The following ZNF107 variants were observed in gnomAD, a reference collection of about 807,000 sequenced individuals.
The protein encoded by ZNF107 is C2H2 type zinc-finger protein.
A neutral mutation model predicts 12.3 loss-of-function variants in ZNF107; 19 were observed. That is an observed-to-expected ratio of 1.55 (90% CI 1.08 to 2.27). The LOEUF (loss-of-function observed/expected upper bound fraction) is 2.27. Among genes scored for constraint, ZNF107 ranks in the 30% most tolerant of loss-of-function variants. The pLI, the probability that ZNF107 is intolerant of heterozygous loss-of-function variation, is 0.00. For synonymous variants in ZNF107, 317 were observed against 330.5 expected (o/e 0.96, Z 0.44); for missense variants, 958 against 979.9 (o/e 0.98, Z 0.30).
In ZNF107 at chr7:64,707,480, T is replaced by G; in HGVS notation, c.1383T>G (p.Ala461=). Residue 461 remains alanine, a synonymous_variant, in exon 4 of 4, where the codon GCT becomes GCG. Transcript: ENST00000620827. ...ATAAATGTGAAGAATGTGGCAAAGC[T>G]TTTAACCAACACTCAAACCTAATTA... The part of the protein sequence containing the change: ...KSYKCEECGK[A]FNQHSNLINH... The G allele has an allele frequency of 6.2e-7, 1 of 1,613,296 alleles. No individual in the cohort carries two copies. The highest frequency in any genetic ancestry group is 8.5e-7 in the Non-Finnish European group (1 of 1,179,634).
intron 3 of ZNF107, among the ~76,000 whole-genome samples, chr7:64,693,264 C>T (rs1790180147): frequency 6.7e-6 from 1 of 148,318 alleles, no homozygotes; most frequent in African/African-American, 2.5e-5. Context: ...CTGCCCGTCT[C>T]GGCCTCCCAA....
At chr7:64,702,055 A>G (rs929393774) in intron 3 of ZNF107, among the ~76,000 whole-genome samples, 2 of 152,078 alleles carry the variant, frequency 1.3e-5, no homozygotes, top group African/African-American at 4.8e-5. Context: ...GTAGTGACAT[A>G]CTTTATTTTT....
chr7:64,702,276 A>C (rs963566467), intron 3 of ZNF107, among the ~76,000 whole-genome samples: 3 of 151,804 alleles, frequency 2.0e-5, no homozygotes, highest in African/African-American at 7.3e-5. Flanking sequence ...CAGCCTCCCA[A>C]GTAGCTGGGA....
rs1788991128 is a variant in ZNF107 at position 64,666,163 on chromosome 7, T to G, written c.-120T>G. 6 of 1,395,086 alleles carry G rather than the reference T, an allele frequency of 4.3e-6. No individual in the cohort carries two copies. In the South Asian group the frequency reaches 5.7e-5, roughly 13 times the overall value. 86.4% of individuals were successfully genotyped at this position (1,395,086 alleles called of 1,614,324 possible). A position where few individuals can be genotyped will look rare whatever the true frequency, so the allele number is the denominator to read the frequency against. On this transcript the variant is annotated 5_prime_UTR_variant, in exon 1 of 4. Coordinates refer to ENST00000620827, the MANE Select transcript of ZNF107 (RefSeq NM_001282359.2). ...TGTCTCTGGCTGCAGCCGGAGCTCCTGCTCTCCTCCTCACTGCTCAGTGTC... is the reference window on the plus strand; with the variant it reads ...TGTCTCTGGCTGCAGCCGGAGCTCCGGCTCTCCTCCTCACTGCTCAGTGTC...
rs769633194 is a variant in ZNF107, at chr7:64,707,236, G to C, written c.1139G>C (p.Arg380Pro). 6.2e-7 allele frequency: 1 copy of C among 1,611,458 alleles called. No individual in the cohort carries two copies. The highest frequency in any genetic ancestry group is 8.5e-7 in the Non-Finnish European group (1 of 1,179,260). Reference sequence around the variant, plus strand: ...GAAGAATGTGACAAAGCTTTTAACCGATCCTTAAAACTTACTGCACATAAG... The same window carrying C: ...GAAGAATGTGACAAAGCTTTTAACCCATCCTTAAAACTTACTGCACATAAG... ...KCEECDKAFN[R>P]SLKLTAHKKI... The change falls in exon 4 of 4, where the codon CGA (arginine) becomes CCA (proline). Residue 380 changes from arginine to proline, a missense_variant. By Grantham distance (103) the Arg-to-Pro change is moderately radical. Transcript: ENST00000620827.
In ZNF107 at chr7:64,707,776, C is replaced by T. The variant is rs200568158; in HGVS notation, c.1679C>T (p.Thr560Ile). ...STLTKHKRIH[T>I]GEKPYKCEEC... is the part of the protein sequence containing the mutation. The stretch of plus-strand genomic sequence containing the variant: ...CTTACTAAACATAAGAGAATTCATA[C>T]TGGAGAAAAACCCTATAAATGTGAA... The change falls in exon 4 of 4, where the codon ACT becomes ATT. Residue 560 changes from threonine (T) to isoleucine (I), a missense_variant. Transcript: ENST00000620827. The T allele has an allele frequency of 1.9e-5, 30 of 1,611,976 alleles. No individual in the cohort carries two copies. Among genetic ancestry groups the T allele is most frequent in the East Asian group, 4.5e-5 (2 of 44,816 alleles).
chr7:64,690,143 A>G lies in ZNF107; in HGVS notation c.4-1105A>G, dbSNP rs575684929. The G allele has an allele frequency of 9.7e-5, 16 of 164,976 alleles. 1 individual carries two copies. The South Asian group carries it at 2.8e-3, about 28-fold the overall frequency. The allele number at this position is 164,976 out of a possible 1,614,324, so 10.2% of individuals were successfully genotyped here. A position where few individuals can be genotyped will look rare whatever the true frequency, so the allele number is the denominator to read the frequency against. On this transcript the variant is annotated intron_variant, in intron 1 of 3. Coordinates refer to ENST00000620827, the MANE Select transcript of ZNF107 (RefSeq NM_001282359.2). ...GGGCTTTATTTGGGCCACTTTCTTT[A>G]TATCGTTGTGACTTCTGAGGTCATC...
Position 64,708,174 on chromosome 7 carries a change from A to G in ZNF107, c.2077A>G (p.Thr693Ala), listed in dbSNP as rs574386372. The G allele has an allele frequency of 6.2e-7, 1 of 1,611,668 alleles. No individual in the cohort carries two copies. The highest frequency in any genetic ancestry group is 1.7e-5 in the Admixed American group (1 of 59,464). ...AGCTTATAACCGATTCTCAAACCTA[A>G]CTATACATAAGAGAATTCATACGGG... ...GKAYNRFSNL[T>A]IHKRIHTGEK... is the part of the protein sequence containing the mutation. The change falls in exon 4 of 4, where the codon ACT (threonine) becomes GCT (alanine). Residue 693 changes from threonine to alanine, a missense_variant. Thr to Ala is a moderately conservative substitution (Grantham distance 58). Transcript: ENST00000620827.
rs929165322 is a variant in ZNF107, at chr7:64,710,019, T to C, written c.*1363T>C. Reference sequence around the variant, plus strand: ...GGCAGGCCCCTGTAATCCCAGCTAATTGGGAGGCTGAAGCAGGAGAATTGC... The same window carrying C: ...GGCAGGCCCCTGTAATCCCAGCTAACTGGGAGGCTGAAGCAGGAGAATTGC... On this transcript the variant is annotated 3_prime_UTR_variant, in exon 4 of 4. Transcript: ENST00000620827. The C allele has an allele frequency of 1.8e-5, 4 of 223,116 alleles. No individual in the cohort carries two copies. Among genetic ancestry groups the C allele is most frequent in the South Asian group, 1.1e-4 (2 of 18,558 alleles). 13.8% of individuals were successfully genotyped at this position (223,116 alleles called of 1,614,324 possible). A position where few individuals can be genotyped will look rare whatever the true frequency, so the allele number is the denominator to read the frequency against.
At position 64,691,363 on chromosome 7, in the gene ZNF107, T is replaced by C; in HGVS notation, c.119T>C (p.Leu40Pro). 6.7e-7 allele frequency: 1 copy of C among 1,488,386 alleles called. No individual in the cohort carries two copies. The highest frequency in any genetic ancestry group is 8.9e-7 in the Non-Finnish European group (1 of 1,120,180). 92.2% of individuals were successfully genotyped at this position (1,488,386 alleles called of 1,614,324 possible). ...GTGTTGTTAGAGAACTACAGAAACC[T>C]GGTCTTTTTGGGTGAGGATAACTTC... The part of the protein sequence containing the change: ...RNVLLENYRN[L>P]VFLGIAVSKP... Residue 40 changes from leucine to proline, a missense_variant, in exon 2 of 4, where the codon CTG becomes CCG. Transcript: ENST00000620827.
chr7:64,691,770 A>T, intron 2 of ZNF107, 95 bp from the exon 3 acceptor site: 1 of 536,138 alleles, frequency 1.9e-6, no homozygotes, highest in South Asian at 5.8e-5. Flanking sequence ...ATTAGTATTT[A>T]TTCTATTACA....
chr7:64,681,523 A>G (rs752403839), intron 1 of ZNF107, among the ~76,000 whole-genome samples: 5 of 151,710 alleles, frequency 3.3e-5, no homozygotes, highest in Non-Finnish European at 5.9e-5. Context: ...ACCCTTCACC[A>G]TCCCCACAAG....
chr7:64,681,004 G>A (rs978908228), intron 1 of ZNF107, among the ~76,000 whole-genome samples: 1 of 152,128 alleles, frequency 6.6e-6, no homozygotes, highest in Admixed American at 6.5e-5. Context: ...GCAGCCTGGG[G>A]TTCCTCCTAA....
rs779995993 is a variant in ZNF107, at chr7:64,706,610, A to C, written c.513A>C (p.Lys171Asn). The change falls in exon 4 of 4, where the codon AAA (lysine) becomes AAC (asparagine). Residue 171 changes from lysine (K) to asparagine (N), a missense_variant. Transcript: ENST00000620827. ...ATAAGAGAAGACATACAGGAAACAA[A>C]CACTTCAAATGTAAAGAATGTAGCA... ...NRYKRRHTGN[K>N]HFKCKECSKS... 23 of 1,613,418 alleles carry C rather than the reference A, an allele frequency of 1.4e-5. No individual in the cohort carries two copies. The highest frequency in any genetic ancestry group is 1.9e-5 in the Non-Finnish European group (23 of 1,179,662).
intron 3 of ZNF107, among the ~76,000 whole-genome samples, 193 bp from the exon 4 acceptor site, chr7:64,706,127 CATTT>C (rs1671440845): frequency 6.6e-6 from 1 of 152,084 alleles, no homozygotes; most frequent in Non-Finnish European, 1.5e-5. Context: ...ACACTGAACT[CATTT>C]ATAAATTTTC....
intron 1 of ZNF107, among the ~76,000 whole-genome samples, chr7:64,674,037 T>C (rs1032238015): frequency 6.6e-6 from 1 of 152,166 alleles, no homozygotes; most frequent in Non-Finnish European, 1.5e-5. Flanking sequence ...ATTCAGGTAA[T>C]GCAGTGCCTC....
chr7:64,703,955 G>A (rs1307067149), intron 3 of ZNF107, among the ~76,000 whole-genome samples: 1 of 149,934 alleles, frequency 6.7e-6, no homozygotes, highest in Non-Finnish European at 1.5e-5. Flanking sequence ...TATATTCTTT[G>A]TGGTTCCTTG....
In ZNF107 at chr7:64,707,728, A is replaced by C. The variant is rs1562847690; in HGVS notation, c.1631A>C (p.Lys544Thr). Reference protein sequence around the residue: ...EKPYKCEECGKAFNRFSTLTK... With the variant: ...EKPYKCEECGTAFNRFSTLTK... ...CCCTATAAATGTGAGGAATGTGGCA[A>C]AGCTTTTAACCGATTCTCAACCCTT... The change falls in exon 4 of 4, where the codon AAA (lysine) becomes ACA (threonine). Residue 544 changes from lysine (K) to threonine (T), a missense_variant. By Grantham distance (78) the Lys-to-Thr change is moderately conservative. Transcript: ENST00000620827. The C allele has an allele frequency of 1.2e-6, 2 of 1,612,908 alleles. No homozygotes were observed. Among genetic ancestry groups the C allele is most frequent in the South Asian group, 2.2e-5 (2 of 90,986 alleles).
chr7:64,708,937 T>C lies in ZNF107; in HGVS notation c.*281T>C, dbSNP rs1373038992. 7.8e-6 allele frequency: 4 copies of C among 512,124 alleles called. No individual in the cohort carries two copies. Among genetic ancestry groups the C allele is most frequent in the African/African-American group, 1.9e-5 (1 of 51,744 alleles). The allele number at this position is 512,124 out of a possible 1,614,324, so 31.7% of individuals were successfully genotyped here. A position where few individuals can be genotyped will look rare whatever the true frequency, so the allele number is the denominator to read the frequency against. ...TCCTCAACTTTTACTAAACATAAGG[T>C]AATTCATACTGGAGAAAAGCCATAC... On this transcript the variant is annotated 3_prime_UTR_variant, in exon 4 of 4. Transcript: ENST00000620827.
Sources: allele counts gnomAD v4.1 joint callset (sites outside exome capture counted in the v4.1 genomes callset), GRCh38; gene constraint gnomAD v4.1.1; transcripts MANE v1.5; gene names NCBI Gene and HGNC (gene_info 2026-07-23, HGNC 2026-07-21).